SDCBP2: variants seen among roughly 807,000 people sequenced by gnomAD.
SDCBP2 encodes the protein syntenin-2.
In SDCBP2, 28 loss-of-function variants were observed where a neutral mutation model predicts 30.7. The ratio of observed to expected loss-of-function variants is 0.91; its 90% confidence interval spans 0.68 to 1.25. SDCBP2 has a LOEUF of 1.25. Ranked by LOEUF, SDCBP2 falls within the 50% of genes most tolerant of loss-of-function variation. SDCBP2 has a pLI of 0.00. For synonymous variants in SDCBP2, 166 were observed against 157.3 expected, an observed-to-expected ratio of 1.06 and a Z score of -0.41; for missense variants, 399 against 379.0, an observed-to-expected ratio of 1.05 and a Z score of -0.44.
rs1459539429 is a variant in SDCBP2 at position 1,313,112 on chromosome 20, T to C, written c.384+228A>G. The C allele has an allele frequency of 1.0e-5, 6 of 601,048 alleles. No individual in the cohort carries two copies. The highest frequency in any genetic ancestry group is 4.4e-4 in the Middle Eastern group (1 of 2,262). 37.2% of individuals were successfully genotyped at this position (601,048 alleles called of 1,614,324 possible). On this transcript the variant is annotated intron_variant, in intron 5 of 8. Transcript: ENST00000360779. This position sits in a 1 kb window ranked among gnomAD's most constrained non-coding sequence, Gnocchi z 5.2. The stretch of plus-strand genomic sequence containing the variant: ...AGGGCAGGTGGGGAAGGGAGGCTCC[T>C]CCGAGCGACGGAAGCCCACGGAGAG...
intron 3 of SDCBP2, 28 bp from the exon 4 acceptor site, chr20:1,318,446 GT>G: frequency 6.9e-7 from 1 of 1,451,532 alleles, no homozygotes; most frequent in Non-Finnish European, 9.5e-7. Context: ...AAGAATAAAT[GT>G]GTCATTAGAG....
At chr20:1,319,535 A>T (rs2088824585) in intron 3 of SDCBP2, 55 bp downstream of exon 3, 2 of 1,520,266 alleles carry the variant, frequency 1.3e-6, no homozygotes, top group Middle Eastern at 1.7e-4. Flanking sequence ...TTCCCTGATG[A>T]TCTCTTCCCT....
At position 1,312,729 on chromosome 20, in the gene SDCBP2, G is replaced by T; in HGVS notation, c.418C>A (p.Pro140Thr). The T allele has an allele frequency of 6.2e-7, 1 of 1,613,796 alleles. No homozygotes were observed. The highest frequency in any genetic ancestry group is 8.5e-7 in the Non-Finnish European group (1 of 1,179,980). ...AAGCGCAGCCCCACAAGGGATGCAG[G>T]GGTGTTGGCCTGGACCAACTGCACA... ...LFVQLVQANT[P>T]ASLVGLRFGD... The change falls in exon 6 of 9, where the codon CCT becomes ACT. Residue 140 changes from proline to threonine, a missense_variant. Physicochemically the swap from Pro to Thr is conservative, Grantham distance 38 (BLOSUM62 -1). Coordinates refer to ENST00000360779, the MANE Select transcript of SDCBP2 (RefSeq NM_080489.5).
At chr20:1,327,755 G>A in intron 1 of SDCBP2, among the ~76,000 whole-genome samples, 1 of 152,260 alleles carries the variant, frequency 6.6e-6, no homozygotes. Context: ...GAGTTAAGGT[G>A]TATATGGAAA....
rs762713571 is a variant in SDCBP2, at chr20:1,313,259, A to C, written c.384+81T>G. 1.4e-6 allele frequency: 2 copies of C among 1,428,048 alleles called. No homozygotes were observed. The highest frequency in any genetic ancestry group is 4.8e-5 in the East Asian group (2 of 41,250). 88.5% of individuals were successfully genotyped at this position (1,428,048 alleles called of 1,614,324 possible). On this transcript the variant is annotated intron_variant, in intron 5 of 8. Transcript: ENST00000360779. This position sits in a 1 kb window ranked among gnomAD's most constrained non-coding sequence, Gnocchi z 5.2. ...CCGCTCTGCACCTTCCTTACTGTGG[A>C]CGGGCCCTCTGAGCTCTGAGGCCTG...
At chr20:1,328,314 C>T (rs1459433514) in intron 1 of SDCBP2, among the ~76,000 whole-genome samples, 1 of 151,988 alleles carries the variant, frequency 6.6e-6, no homozygotes, top group Non-Finnish European at 1.5e-5. Flanking sequence ...GTGCCAAGGT[C>T]CAAGGGTTAT....
rs369163908 is a variant in SDCBP2, at chr20:1,310,809, A to G, written c.815T>C (p.Met272Thr). 1.9e-6 allele frequency: 3 copies of G among 1,612,388 alleles called. No homozygotes were observed. In the African/African-American group the frequency reaches 4.0e-5, roughly 22 times the overall value. The change falls in exon 8 of 9, where the codon ATG becomes ACG. Residue 272 changes from methionine (M) to threonine (T), a missense_variant. Met to Thr is a moderately conservative substitution (Grantham distance 81, BLOSUM62 -1). Coordinates refer to ENST00000360779, the MANE Select transcript of SDCBP2 (RefSeq NM_080489.5). Reference protein sequence around the residue: ...TIIPSVIYEHMVKKLPPVLLH... With the variant: ...TIIPSVIYEHTVKKLPPVLLH... ...AGGGGTGCAGCCTTACTTTTTGACC[A>G]TGTGCTCGTAGATCACACTGGGGAT...
chr20:1,320,372 T>G lies in SDCBP2; in HGVS notation c.45A>C (p.Gln15His), dbSNP rs571603255. The part of the protein sequence containing the change: ...YPSLEDLKVD[Q>H]AIQAQVRASP... The stretch of plus-strand genomic sequence containing the variant: ...GGGCCTGGCGACTTACCTGAATGGC[T>G]TGGTCCACTTTTAGGTCCTCTAGAG... The change falls in exon 2 of 9, where the codon CAA (glutamine) becomes CAC (histidine). Residue 15 changes from glutamine (Q) to histidine (H), a missense_variant. Coordinates refer to ENST00000360779, the MANE Select transcript of SDCBP2 (RefSeq NM_080489.5). This position sits in a 1 kb window ranked among gnomAD's most constrained non-coding sequence, Gnocchi z 4.7. 5.0e-6 allele frequency: 8 copies of G among 1,614,000 alleles called. No individual in the cohort carries two copies. Among genetic ancestry groups the G allele is most frequent in the South Asian group, 4.4e-5 (4 of 91,078 alleles).
In SDCBP2 at chr20:1,324,374, T is replaced by C. The variant is rs549918815; in HGVS notation, c.-19-3939A>G. 9 of 152,098 alleles carry C rather than the reference T, an allele frequency of 5.9e-5. No individual in the cohort carries two copies. Among genetic ancestry groups the C allele is most frequent in the South Asian group, 2.1e-4 (1 of 4,816 alleles). The allele number at this position is 152,098 out of a possible 1,614,324, so 9.4% of individuals were successfully genotyped here. A position where few individuals can be genotyped will look rare whatever the true frequency, so the allele number is the denominator to read the frequency against. On this transcript the variant is annotated intron_variant, in intron 1 of 8. Transcript: ENST00000360779. This position sits in a 1 kb window ranked among gnomAD's most constrained non-coding sequence, Gnocchi z 4.7. ...AATCAGTGGTTTTCCAAGGAACAGA[T>C]TGGAAATTTATGTGGGCATTTTTGG... is the stretch of plus-strand genomic sequence containing the variant.
At position 1,313,785 on chromosome 20, in the gene SDCBP2, A is replaced by G; in HGVS notation, c.226-287T>C. On this transcript the variant is annotated intron_variant, in intron 4 of 8. Coordinates refer to ENST00000360779, the MANE Select transcript of SDCBP2 (RefSeq NM_080489.5). This position sits in a 1 kb window ranked among gnomAD's most constrained non-coding sequence, Gnocchi z 5.2. ...CCCAAGGGAAACTGGCATCAGGAAA[A>G]GCCTCCTTTAAAACCCACTTAAAAT... 2 of 607,864 alleles carry G rather than the reference A, an allele frequency of 3.3e-6. No homozygotes were observed. Among genetic ancestry groups the G allele is most frequent in the Non-Finnish European group, 4.7e-6 (2 of 422,182 alleles). 37.7% of individuals were successfully genotyped at this position (607,864 alleles called of 1,614,324 possible). A position where few individuals can be genotyped will look rare whatever the true frequency, so the allele number is the denominator to read the frequency against.
chr20:1,328,655 G>A (rs953687294), intron 1 of SDCBP2, among the ~76,000 whole-genome samples: 8 of 152,208 alleles, frequency 5.3e-5, no homozygotes, highest in Admixed American at 2.0e-4. Flanking sequence ...GTGTTTCAGT[G>A]CTGTGGCAGG....
chr20:1,320,402 G>A lies in SDCBP2; in HGVS notation c.15C>T (p.Tyr5=), dbSNP rs1469984563. The A allele has an allele frequency of 3.7e-6, 6 of 1,613,836 alleles. No homozygotes were observed. Among genetic ancestry groups the A allele is most frequent in the Non-Finnish European group, 5.1e-6 (6 of 1,179,856 alleles). MSSL[Y]PSLEDLKVDQ... ...CCACTTTTAGGTCCTCTAGAGATGGGTACAGGGATGACATGGCTGATTCTC... is the reference window on the plus strand; with the variant it reads ...CCACTTTTAGGTCCTCTAGAGATGGATACAGGGATGACATGGCTGATTCTC... The change falls in exon 2 of 9, where the codon TAC becomes TAT. Residue 5 remains tyrosine, a synonymous_variant. Coordinates refer to ENST00000360779, the MANE Select transcript of SDCBP2 (RefSeq NM_080489.5). This position sits in a 1 kb window ranked among gnomAD's most constrained non-coding sequence, Gnocchi z 4.7.
rs369056384 is a variant in SDCBP2, at chr20:1,312,507, G to T, written c.562C>A (p.Pro188Thr). ...DKIVVVVRDR[P>T]FQRTVTMHKD... ...TGCATGGTGACAGTCCGCTGGAACGGCCTGGCAGGAGGGACAGTGAGCTGT... is the reference window on the plus strand; with the variant it reads ...TGCATGGTGACAGTCCGCTGGAACGTCCTGGCAGGAGGGACAGTGAGCTGT... Residue 188 changes from proline (P) to threonine (T), a missense_variant and splice_region_variant, in exon 7 of 9, where the codon CCG becomes ACG. Transcript: ENST00000360779. The T allele has an allele frequency of 1.2e-6, 2 of 1,614,030 alleles. No individual in the cohort carries two copies. Among genetic ancestry groups the T allele is most frequent in the Non-Finnish European group, 1.7e-6 (2 of 1,180,024 alleles).
At chr20:1,327,523 ACTC>A (rs1479706096) in intron 1 of SDCBP2, among the ~76,000 whole-genome samples, 1 of 151,702 alleles carries the variant, frequency 6.6e-6, no homozygotes, top group African/African-American at 2.4e-5. Flanking sequence ...ATGTACCCCC[ACTC>A]CTCCTCTCAG....
In SDCBP2 at chr20:1,313,508, C is replaced by T. The variant is rs747930506; in HGVS notation, c.226-10G>A. 5 of 1,576,814 alleles carry T rather than the reference C, an allele frequency of 3.2e-6. No homozygotes were observed. In the East Asian group the frequency reaches 1.1e-4, roughly 36 times the overall value. ...GGCCCGAGACCGCTGTCTGCAGACACCAGGGGGCAGGGGGTCAGCCCGGCC... is the reference window on the plus strand; with the variant it reads ...GGCCCGAGACCGCTGTCTGCAGACATCAGGGGGCAGGGGGTCAGCCCGGCC... On this transcript the variant is annotated splice_polypyrimidine_tract_variant and intron_variant, in intron 4 of 8. Coordinates refer to ENST00000360779, the MANE Select transcript of SDCBP2 (RefSeq NM_080489.5). The surrounding 1 kb of genome is among the most constrained non-coding windows in gnomAD (Gnocchi z 5.2).
intron 1 of SDCBP2, chr20:1,325,812 TCCTC>T (rs1319463830): frequency 6.6e-6 from 1 of 152,066 alleles, no homozygotes; most frequent in Non-Finnish European, 1.5e-5. Flanking sequence ...ACGTCACCCT[TCCTC>T]CCCCGTTTCT....
chr20:1,323,840 T>A (rs777116309), intron 1 of SDCBP2: 1 of 152,222 alleles, frequency 6.6e-6, no homozygotes, highest in Non-Finnish European at 1.5e-5. Context: ...TTTTAATTTT[T>A]ATTTTTAAAT....
intron 2 of SDCBP2, 101 bp from the exon 3 acceptor site, chr20:1,319,760 G>C: frequency 1.0e-6 from 1 of 982,620 alleles, no homozygotes; most frequent in Non-Finnish European, 1.5e-6. Flanking sequence ...AGGGGTGTGA[G>C]TGGGCCCGGG....
At chr20:1,314,804 A>C (rs543088676) in intron 4 of SDCBP2, among the ~76,000 whole-genome samples, 1 of 152,304 alleles carries the variant, frequency 6.6e-6, no homozygotes, top group South Asian at 2.1e-4. Flanking sequence ...ATCTAACAAA[A>C]CACATACAGG....
Sources: gnomAD v4.1 joint callset for allele counts (sites outside exome capture counted in the v4.1 genomes callset) on GRCh38, gnomAD v4.1.1 for gene constraint, Gnocchi (gnomAD v3.1) non-coding constraint, MANE v1.5 for transcripts, NCBI Gene and HGNC (gene_info 2026-07-23, HGNC 2026-07-21) for gene names.